Variants in GRM1 observed in about 807,000 individuals in gnomAD.
The protein encoded by GRM1 is metabotropic glutamate receptor 1.
GRM1 carries 33 observed loss-of-function variants against 90.9 expected under a neutral mutation model. The observed-to-expected ratio is 0.36, with a 90% CI of 0.28 to 0.49. GRM1 has a LOEUF of 0.49. Ranked by LOEUF, GRM1 falls within the 20% of genes least tolerant of loss-of-function variation. The pLI, the probability that GRM1 is intolerant of heterozygous loss-of-function variation, is 0.99. For missense variants in GRM1, 1,190 were observed against 1,534.3 expected, an observed-to-expected ratio of 0.78 and a Z score of 3.75; for synonymous variants, 700 against 613.2, an observed-to-expected ratio of 1.14 and a Z score of -2.09.
At chr6:146,389,870 T>A (rs2114540965) in intron 6 of GRM1, among the ~76,000 whole-genome samples, 1 of 152,208 alleles carries the variant, frequency 6.6e-6, no homozygotes, top group Admixed American at 6.6e-5. Context: ...TTTTGGTCTC[T>A]TACAGGAAAT....
intron 2 of GRM1, among the ~76,000 whole-genome samples, chr6:146,210,403 C>A (rs1157565425): frequency 1.3e-5 from 2 of 152,164 alleles, no homozygotes; most frequent in Non-Finnish European, 2.9e-5. Flanking sequence ...CTGCAAGATG[C>A]CGTAAGGTTA....
At chr6:146,239,495 A>C (rs1780772858) in intron 2 of GRM1, among the ~76,000 whole-genome samples, 1 of 152,144 alleles carries the variant, frequency 6.6e-6, no homozygotes, top group Non-Finnish European at 1.5e-5. Context: ...CTCATCATAC[A>C]GGCAGGTTCT....
At chr6:146,113,189 G>A (rs992962648) in intron 1 of GRM1, among the ~76,000 whole-genome samples, 5 of 152,084 alleles carry the variant, frequency 3.3e-5, no homozygotes, top group African/African-American at 1.2e-4. Context: ...AATTCCTGGG[G>A]GAACAGATCA....
rs1777229224 is a variant in GRM1 at position 146,403,543 on chromosome 6, C to T, written c.2660+3844C>T. The stretch of plus-strand genomic sequence containing the variant: ...TATTTGAGTTTTTTTTTAACTGAGT[C>T]AAGAACCAAGTGAAATTCTAAATGG... On this transcript the variant is annotated intron_variant, in intron 7 of 7. Transcript: ENST00000282753. Among the ~76,000 whole-genome samples, 3 of 152,026 alleles carry T rather than the reference C, an allele frequency of 2.0e-5. No individual in the cohort carries two copies. The South Asian group carries it at 6.2e-4, about 32-fold the overall frequency.
In GRM1 at chr6:146,185,509, GA is replaced by G. The variant is rs531685048; in HGVS notation, c.950+25917del. On this transcript the variant is annotated intron_variant, in intron 2 of 7. Transcript: ENST00000282753. Reference sequence around the variant, plus strand: ...TCTGTTACCCTTTGTAGGCATCTCTGAAAAACTGGTATTGGAAAATATGCCT... The same window carrying G: ...TCTGTTACCCTTTGTAGGCATCTCTGAAAACTGGTATTGGAAAATATGCCT... Among the ~76,000 whole-genome samples, 37 of 152,308 alleles carry G rather than the reference GA, an allele frequency of 2.4e-4. 1 individual carries two copies. The East Asian group carries it at 6.4e-3, about 26-fold the overall frequency.
chr6:146,172,918 A>G (rs1183390807), intron 2 of GRM1, among the ~76,000 whole-genome samples: 1 of 152,220 alleles, frequency 6.6e-6, no homozygotes, highest in African/African-American at 2.4e-5. Context: ...TAAGTTGATC[A>G]GGGAGATAGG....
chr6:146,077,742 C>T (rs1369744604), intron 1 of GRM1, among the ~76,000 whole-genome samples: 1 of 152,160 alleles, frequency 6.6e-6, no homozygotes, highest in African/African-American at 2.4e-5. Flanking sequence ...TCTAATTTAT[C>T]TAGCTCATTC....
chr6:146,147,643 T>C (rs950993309), intron 1 of GRM1, among the ~76,000 whole-genome samples: 6 of 152,216 alleles, frequency 3.9e-5, no homozygotes, highest in Non-Finnish European at 7.3e-5. Flanking sequence ...TTATTCTCTC[T>C]GCTTCTAGCC....
chr6:146,375,720 T>G (rs1244301682), intron 5 of GRM1, among the ~76,000 whole-genome samples: 1 of 152,136 alleles, frequency 6.6e-6, no homozygotes, highest in Non-Finnish European at 1.5e-5. Context: ...TGCTCTTTTT[T>G]GGTCTCCATT....
chr6:146,358,869 C>A (rs2115057868), intron 5 of GRM1, among the ~76,000 whole-genome samples: 1 of 152,254 alleles, frequency 6.6e-6, no homozygotes, highest in Middle Eastern at 3.4e-3. Flanking sequence ...GATGAGTCAT[C>A]CTAGTTTTAG....
At chr6:146,148,320 C>T (rs192162079) in intron 1 of GRM1, among the ~76,000 whole-genome samples, 8 of 152,010 alleles carry the variant, frequency 5.3e-5, no homozygotes, top group East Asian at 3.9e-4. Context: ...ATAATTCTAT[C>T]GTCTAAATAA....
chr6:146,433,874 C>G lies in GRM1; in HGVS notation c.2663C>G (p.Ser888Cys). ...ATCCATCTCTATTTTATTCATAGTT[C>G]TAATGGCAAGTCTGTGTCATGGTCT... ...RKKAGAGNAN[S>C]NGKSVSWSEP... Residue 888 changes from serine (S) to cysteine (C), a missense_variant and splice_region_variant, in exon 8 of 8, where the codon TCT becomes TGT. Physicochemically the swap from Ser to Cys is moderately radical, Grantham distance 112. Around this residue, in one of 10 missense-constraint regions of GRM1, gnomAD observed 400 missense variants for 360.8 expected, o/e 1.11. Coordinates refer to ENST00000282753, the MANE Select transcript of GRM1 (RefSeq NM_001278064.2). 1 of 1,603,718 alleles carries G rather than the reference C, an allele frequency of 6.2e-7. No individual in the cohort carries two copies. The highest frequency in any genetic ancestry group is 8.5e-7 in the Non-Finnish European group (1 of 1,170,560).
intron 1 of GRM1, among the ~76,000 whole-genome samples, chr6:146,128,522 C>T (rs1366257803): frequency 6.6e-6 from 1 of 152,084 alleles, no homozygotes; most frequent in Non-Finnish European, 1.5e-5. Context: ...GATTTGAACC[C>T]ATGGCTCTAG....
intron 2 of GRM1, among the ~76,000 whole-genome samples, chr6:146,194,018 T>A (rs1779025318): frequency 1.3e-5 from 2 of 152,102 alleles, no homozygotes; most frequent in African/African-American, 4.8e-5. Flanking sequence ...AAGTTCAATA[T>A]CTTCATAACT....
At chr6:146,089,478 T>G (rs894879724) in intron 1 of GRM1, among the ~76,000 whole-genome samples, 5 of 152,138 alleles carry the variant, frequency 3.3e-5, no homozygotes, top group Non-Finnish European at 5.9e-5. Flanking sequence ...GTGTGTGTGT[T>G]GCTTCAAGTC....
chr6:146,228,233 A>G (rs1236794053), intron 2 of GRM1, among the ~76,000 whole-genome samples: 1 of 152,180 alleles, frequency 6.6e-6, no homozygotes, highest in Non-Finnish European at 1.5e-5. Context: ...TAGACTAAGT[A>G]ATTTCTAAAG....
At position 146,357,648 on chromosome 6, in the gene GRM1, TG is replaced by T; in HGVS notation, c.1558del (p.Val520CysfsTer10). On this transcript the variant is annotated frameshift_variant, in exon 5 of 8. Transcript: ENST00000282753. LOFTEE classifies it high-confidence loss of function. ...AAAATCCAGATGAACAAGAGTGGAG[TG>T]GTGCGGTCTGTGTGCAGTGAGCCTT... ...DYKIQMNKSGVVRSVCSEPCL... is the reference protein window; with the variant it reads ...DYKIQMNKSGXVRSVCSEPCL... The T allele has an allele frequency of 6.2e-7, 1 of 1,613,684 alleles. No homozygotes were observed. Among genetic ancestry groups the T allele is most frequent in the Non-Finnish European group, 8.5e-7 (1 of 1,179,868 alleles).
chr6:146,416,028 A>G (rs557475297), intron 7 of GRM1, among the ~76,000 whole-genome samples: 1 of 152,264 alleles, frequency 6.6e-6, no homozygotes, highest in East Asian at 1.9e-4. Flanking sequence ...TTTGTTTGGT[A>G]CTTGCATGAT....
chr6:146,181,250 C>CA (rs1023322491), intron 2 of GRM1, among the ~76,000 whole-genome samples: 6 of 145,738 alleles, frequency 4.1e-5, no homozygotes, highest in African/African-American at 1.1e-4. Flanking sequence ...AAAAAAAAAA[C>CA]AAAAAAAACC....
Sources: gnomAD v4.1 joint callset for allele counts (sites outside exome capture counted in the v4.1 genomes callset) on GRCh38, gnomAD v4.1.1 for gene constraint, gnomAD v4.1.1 regional missense constraint, MANE v1.5 for transcripts, NCBI Gene and HGNC (gene_info 2026-07-23, HGNC 2026-07-21) for gene names.